Variants in CNTN5 observed in about 807,000 individuals in gnomAD.
CNTN5 encodes contactin 5, also known as contactin-5.
A neutral mutation model predicts 129.1 loss-of-function variants in CNTN5; 77 were observed. That is an observed-to-expected ratio of 0.60 (90% CI 0.50 to 0.72). CNTN5 has a LOEUF of 0.72. Among genes scored for constraint, CNTN5 ranks in the 30% least tolerant of loss-of-function variants. The pLI is 0.00. For missense variants in CNTN5, 1,478 were observed against 1,328.8 expected (o/e 1.11, Z -1.75); for synonymous variants, 509 against 465.6 (o/e 1.09, Z -1.20).
chr11:99,274,231 A>T (rs1863317352), intron 1 of CNTN5, among the ~76,000 whole-genome samples: 2 of 151,738 alleles, frequency 1.3e-5, no homozygotes, highest in African/African-American at 4.8e-5. Context: ...GCTTTGTGCT[A>T]TTACTTTCTC....
intron 4 of CNTN5, among the ~76,000 whole-genome samples, chr11:99,841,835 T>C (rs1046312396): frequency 4.7e-4 from 68 of 144,226 alleles, no homozygotes; most frequent in East Asian, 2.2e-3. Flanking sequence ...TATATATATA[T>C]ACACACACAC....
At chr11:99,242,736 C>T (rs1430408527) in intron 1 of CNTN5, among the ~76,000 whole-genome samples, 4 of 152,054 alleles carry the variant, frequency 2.6e-5, no homozygotes, top group Admixed American at 2.6e-4. Context: ...ATATGAAGTA[C>T]TTTGTTTTCT....
intron 1 of CNTN5, among the ~76,000 whole-genome samples, chr11:99,272,916 C>T (rs1863242565): frequency 6.6e-6 from 1 of 151,788 alleles, no homozygotes; most frequent in Non-Finnish European, 1.5e-5. Flanking sequence ...GAAAATACTC[C>T]TTATAAAATT....
At chr11:99,842,585 T>C (rs1947545905) in intron 4 of CNTN5, among the ~76,000 whole-genome samples, 1 of 152,204 alleles carries the variant, frequency 6.6e-6, no homozygotes, top group South Asian at 2.1e-4. Context: ...TCTATAACAC[T>C]TATTATATGT....
intron 2 of CNTN5, among the ~76,000 whole-genome samples, chr11:99,391,819 C>A (rs1941275967): frequency 6.6e-6 from 1 of 151,884 alleles, no homozygotes; most frequent in Non-Finnish European, 1.5e-5. Context: ...CCCTGGGATA[C>A]CCTTGTCATA....
chr11:99,291,760 G>T (rs549696984), intron 1 of CNTN5, among the ~76,000 whole-genome samples: 14 of 152,146 alleles, frequency 9.2e-5, no homozygotes, highest in African/African-American at 3.4e-4. Context: ...AAATGAGCCT[G>T]TAGCTAAGAA....
chr11:99,773,874 C>G (rs1391062113), intron 3 of CNTN5, among the ~76,000 whole-genome samples: 1 of 152,024 alleles, frequency 6.6e-6, no homozygotes, highest in Non-Finnish European at 1.5e-5. Flanking sequence ...CACCACTGCT[C>G]TTGTTTATAT....
At chr11:99,544,096 A>G (rs866272334) in intron 2 of CNTN5, among the ~76,000 whole-genome samples, 1 of 152,154 alleles carries the variant, frequency 6.6e-6, no homozygotes, top group Admixed American at 6.5e-5. Flanking sequence ...TGCAGGCTGT[A>G]TAAGCGTGGC....
intron 9 of CNTN5, among the ~76,000 whole-genome samples, chr11:100,056,528 G>GC (rs1222467584): frequency 6.6e-6 from 1 of 151,602 alleles, no homozygotes; most frequent in African/African-American, 2.4e-5. Context: ...TAGAAAGAGG[G>GC]CCATTGTATT....
At chr11:99,452,777 A>G (rs1944356567) in intron 2 of CNTN5, among the ~76,000 whole-genome samples, 1 of 152,170 alleles carries the variant, frequency 6.6e-6, no homozygotes, top group South Asian at 2.1e-4. Flanking sequence ...TATCTGAATC[A>G]AGAAAATGAT....
At chr11:99,629,216 A>T (rs602800) in intron 3 of CNTN5, among the ~76,000 whole-genome samples, 92,943 of 151,822 alleles carry the variant, frequency 0.61, 29,329 homozygotes, top group Admixed American at 0.74. Flanking sequence ...CAAAATTATT[A>T]TATAAAAGAT....
intron 3 of CNTN5, among the ~76,000 whole-genome samples, chr11:99,688,118 C>T (rs961855882): frequency 2.0e-5 from 3 of 152,124 alleles, no homozygotes; most frequent in Non-Finnish European, 4.4e-5. Flanking sequence ...TTATTTCTTA[C>T]TTGAAGAATC....
chr11:99,540,561 A>G lies in CNTN5; in HGVS notation c.-70-15584A>G, dbSNP rs548518494. ...AAAAAGCACAATAAAGTGTTAGATT[A>G]ATGCAGAGGTCAAGAAAAAATTTTT... On this transcript the variant is annotated intron_variant, in intron 2 of 24. Transcript: ENST00000524871. Among the ~76,000 whole-genome samples the G allele has an allele frequency of 3.9e-5, 6 of 152,312 alleles. No individual in the cohort carries two copies. In the South Asian group the frequency reaches 1.2e-3, roughly 32 times the overall value.
intron 14 of CNTN5, among the ~76,000 whole-genome samples, chr11:100,192,308 C>A (rs528917405): frequency 2.2e-4 from 34 of 152,130 alleles, no homozygotes; most frequent in African/African-American, 8.2e-4. Context: ...CCAATCCCCA[C>A]AAAATTTAAA....
At chr11:99,744,997 C>T (rs1944009060) in intron 3 of CNTN5, among the ~76,000 whole-genome samples, 1 of 152,172 alleles carries the variant, frequency 6.6e-6, no homozygotes, top group African/African-American at 2.4e-5. Flanking sequence ...ATCAGTCCTT[C>T]CAAGTAGTTG....
intron 1 of CNTN5, among the ~76,000 whole-genome samples, chr11:99,028,438 G>A (rs1863207043): frequency 6.6e-6 from 1 of 151,914 alleles, no homozygotes; most frequent in East Asian, 1.9e-4. Flanking sequence ...AGGTATATGT[G>A]ACTAAGATAC....
At chr11:99,958,043 G>A (rs1158762724) in intron 8 of CNTN5, among the ~76,000 whole-genome samples, 4 of 151,764 alleles carry the variant, frequency 2.6e-5, no homozygotes, top group Non-Finnish European at 4.4e-5. Context: ...TCAGGTAAAG[G>A]GTAAAAATGT....
chr11:99,980,985 A>T (rs1224723085), intron 8 of CNTN5, among the ~76,000 whole-genome samples: 1 of 150,814 alleles, frequency 6.6e-6, no homozygotes, highest in Non-Finnish European at 1.5e-5. Flanking sequence ...ACTTTTTTTC[A>T]TATACACATG....
At chr11:100,131,406 G>T (rs1946375506) in intron 13 of CNTN5, among the ~76,000 whole-genome samples, 1 of 152,048 alleles carries the variant, frequency 6.6e-6, no homozygotes, top group Non-Finnish European at 1.5e-5. Flanking sequence ...GATGGGATAT[G>T]GGAGGAAGAA....
Sources: gnomAD v4.1 joint callset for allele counts (sites outside exome capture counted in the v4.1 genomes callset) on GRCh38, gnomAD v4.1.1 for gene constraint, MANE v1.5 for transcripts, NCBI Gene and HGNC (gene_info 2026-07-23, HGNC 2026-07-21) for gene names.